Variants in KIRREL3 observed in about 807,000 individuals in gnomAD.
KIRREL3 encodes the protein kirre like nephrin family adhesion molecule 3.
KIRREL3 carries 36 observed loss-of-function variants against 89.7 expected under a neutral mutation model. The observed-to-expected ratio is 0.40, with a 90% confidence interval of 0.31 to 0.53. KIRREL3 has a LOEUF of 0.53. KIRREL3 is among the 20% of genes least tolerant of loss of function. The probability of loss-of-function intolerance (pLI) is 0.49; values close to 1 mark genes in which losing one functional copy is unlikely to be tolerated. For synonymous variants in KIRREL3, 445 were observed against 441.4 expected (o/e 1.01, Z -0.10); for missense variants, 864 against 1,056.6 (o/e 0.82, Z 2.53).
intron 1 of KIRREL3, among the ~76,000 whole-genome samples, chr11:126,663,126 T>A (rs1245436955): frequency 1.4e-5 from 2 of 147,418 alleles, no homozygotes; most frequent in Non-Finnish European, 3.0e-5. Context: ...GCATGGGGAG[T>A]GTGGAGTGTG....
At position 126,656,259 on chromosome 11, in the gene KIRREL3, C is replaced by T. The variant is rs1945134318; in HGVS notation, c.56-93347G>A. The T allele has an allele frequency of 4.7e-6, 2 of 423,502 alleles. No individual in the cohort carries two copies. Among genetic ancestry groups the T allele is most frequent in the Non-Finnish European group, 9.6e-6 (2 of 207,718 alleles). 26.2% of individuals were successfully genotyped at this position (423,502 alleles called of 1,614,324 possible). On this transcript the variant is annotated intron_variant, in intron 1 of 16. Coordinates refer to ENST00000525144, the MANE Select transcript of KIRREL3 (RefSeq NM_032531.4). The surrounding 1 kb of genome is among the most constrained non-coding windows in gnomAD (Gnocchi z 4.0). The stretch of plus-strand genomic sequence containing the variant: ...TCTGCCGTTCATATCTGTGAGATAT[C>T]AGGCTGGTTTCTTAACCATAACCTC...
rs566734767 is a variant in KIRREL3, at chr11:126,696,483, G to T, written c.56-133571C>A. 1.1e-3 allele frequency among the ~76,000 whole-genome samples: 173 copies of T among 152,202 alleles called. 3 individuals carry two copies. In the South Asian group the frequency reaches 0.026, roughly 23 times the overall value. The stretch of plus-strand genomic sequence containing the variant: ...CACATGCAGCCTGCAAACTCCCACA[G>T]CTGTACGCAGGCATGTGGCCTCTTG... On this transcript the variant is annotated intron_variant, in intron 1 of 16. Transcript: ENST00000525144. The surrounding 1 kb of genome is among the most constrained non-coding windows in gnomAD (Gnocchi z 4.4).
intron 4 of KIRREL3, among the ~76,000 whole-genome samples, chr11:126,517,148 G>A (rs761617131): frequency 2.0e-5 from 2 of 98,090 alleles, no homozygotes; most frequent in African/African-American, 4.0e-5. Context: ...GAGAGAGAGA[G>A]AGAGAGAGAG....
rs776713276 is a variant in KIRREL3, at chr11:126,766,695, C to T, written c.56-203783G>A. On this transcript the variant is annotated intron_variant, in intron 1 of 16. Transcript: ENST00000525144. The surrounding 1 kb of genome is among the most constrained non-coding windows in gnomAD (Gnocchi z 4.2). ...GGGGCTTTGATAATCTCAATAGGCACTTACAGAATTGACTTTTCTGCCTTG... is the reference window on the plus strand; with the variant it reads ...GGGGCTTTGATAATCTCAATAGGCATTTACAGAATTGACTTTTCTGCCTTG... 1.3e-5 allele frequency among the ~76,000 whole-genome samples: 2 copies of T among 152,138 alleles called. No homozygotes were observed. Among genetic ancestry groups the T allele is most frequent in the Non-Finnish European group, 2.9e-5 (2 of 68,024 alleles).
chr11:126,930,582 T>C (rs1225994534), intron 1 of KIRREL3, among the ~76,000 whole-genome samples: 6 of 152,190 alleles, frequency 3.9e-5, no homozygotes, highest in African/African-American at 4.8e-5. Flanking sequence ...TGCCCTTCCC[T>C]GCCATGTCTG....
intron 4 of KIRREL3, among the ~76,000 whole-genome samples, chr11:126,488,116 G>A (rs1182090466): frequency 6.6e-6 from 1 of 152,252 alleles, no homozygotes; most frequent in Admixed American, 6.5e-5. Context: ...TACTGGGTAA[G>A]GAGGGGACTG....
chr11:126,778,354 T>C lies in KIRREL3; in HGVS notation c.56-215442A>G, dbSNP rs563547007. ...TTTGCGTAGCAATCACCCATTTTTATGGAGACTGCATCTTTGAAGAGGGGC... is the reference window on the plus strand; with the variant it reads ...TTTGCGTAGCAATCACCCATTTTTACGGAGACTGCATCTTTGAAGAGGGGC... On this transcript the variant is annotated intron_variant, in intron 1 of 16. Transcript: ENST00000525144. This position sits in a 1 kb window ranked among gnomAD's most constrained non-coding sequence, Gnocchi z 4.5. Among the ~76,000 whole-genome samples, 5 of 152,344 alleles carry C rather than the reference T, an allele frequency of 3.3e-5. No homozygotes were observed. The South Asian group carries it at 1.0e-3, about 32-fold the overall frequency.
At chr11:126,921,782 T>C (rs1443095760) in intron 1 of KIRREL3, among the ~76,000 whole-genome samples, 1 of 150,968 alleles carries the variant, frequency 6.6e-6, no homozygotes, top group Non-Finnish European at 1.5e-5. Flanking sequence ...TCTATCTATC[T>C]ATCTATCTAT....
chr11:126,658,463 G>T (rs1945254319), intron 1 of KIRREL3, among the ~76,000 whole-genome samples: 1 of 152,174 alleles, frequency 6.6e-6, no homozygotes, highest in Non-Finnish European at 1.5e-5. Flanking sequence ...ATCCATTGGT[G>T]TCTCAGTAAT....
chr11:126,974,419 C>T (rs1257784265), intron 1 of KIRREL3, among the ~76,000 whole-genome samples: 2 of 151,842 alleles, frequency 1.3e-5, no homozygotes, highest in African/African-American at 4.8e-5. Flanking sequence ...TAGCCTATTA[C>T]ACACCTAGGC....
intron 1 of KIRREL3, among the ~76,000 whole-genome samples, chr11:126,777,672 C>G (rs1950207546): frequency 6.6e-6 from 1 of 152,196 alleles, no homozygotes; most frequent in Admixed American, 6.5e-5. Context: ...AAATCAGACC[C>G]CTTTGTGAAC....
At chr11:126,577,462 G>A (rs1023313175) in intron 1 of KIRREL3, among the ~76,000 whole-genome samples, 7 of 151,836 alleles carry the variant, frequency 4.6e-5, no homozygotes, top group Admixed American at 3.9e-4. Context: ...GAAACTAACC[G>A]CTGGCCTGGT....
chr11:126,925,727 A>T (rs797012043), intron 1 of KIRREL3, among the ~76,000 whole-genome samples: 6 of 151,762 alleles, frequency 4.0e-5, no homozygotes, highest in African/African-American at 1.2e-4. Context: ...GCCTACTCCC[A>T]CCCTCCCTGC....
intron 1 of KIRREL3, among the ~76,000 whole-genome samples, chr11:126,661,346 C>A (rs558039439): frequency 2.0e-5 from 3 of 152,260 alleles, no homozygotes; most frequent in African/African-American, 7.2e-5. Context: ...CTGCATTTTG[C>A]AAGAAGAATG....
At position 126,911,090 on chromosome 11, in the gene KIRREL3, G is replaced by A. The variant is rs1946797779; in HGVS notation, c.55+89365C>T. Among the ~76,000 whole-genome samples, 3 of 152,208 alleles carry A rather than the reference G, an allele frequency of 2.0e-5. No individual in the cohort carries two copies. The South Asian group carries it at 6.2e-4, about 31-fold the overall frequency. On this transcript the variant is annotated intron_variant, in intron 1 of 16. Coordinates refer to ENST00000525144, the MANE Select transcript of KIRREL3 (RefSeq NM_032531.4). ...GAAAGGGTTGGCACAGAAGAGAGCA[G>A]GAGGGAAGCAAGAAGCAGCCCCAAG...
rs1332102223 is a variant in KIRREL3 at position 126,636,621 on chromosome 11, C to T, written c.56-73709G>A. 2.0e-5 allele frequency among the ~76,000 whole-genome samples: 3 copies of T among 152,220 alleles called. No homozygotes were observed. The highest frequency in any genetic ancestry group is 2.9e-5 in the Non-Finnish European group (2 of 68,036). ...GTCTCCTGTCTTTTCTTCTGCCCTC[C>T]TGGACCCAGCTTACTGCCTGCTCTG... On this transcript the variant is annotated intron_variant, in intron 1 of 16. Transcript: ENST00000525144. This position sits in a 1 kb window ranked among gnomAD's most constrained non-coding sequence, Gnocchi z 4.4.
rs1475713603 is a variant in KIRREL3, at chr11:126,639,370, A to G, written c.56-76458T>C. ...TCTTTTTGTACCTCTGGGTAAGCAAAAGGAAAAACGTTCCTTTGCTTTACC... is the reference window on the plus strand; with the variant it reads ...TCTTTTTGTACCTCTGGGTAAGCAAGAGGAAAAACGTTCCTTTGCTTTACC... On this transcript the variant is annotated intron_variant, in intron 1 of 16. Transcript: ENST00000525144. This position sits in a 1 kb window ranked among gnomAD's most constrained non-coding sequence, Gnocchi z 4.3. Among the ~76,000 whole-genome samples the G allele has an allele frequency of 6.6e-6, 1 of 152,166 alleles. No individual in the cohort carries two copies. The highest frequency in any genetic ancestry group is 1.5e-5 in the Non-Finnish European group (1 of 68,022).
chr11:126,711,274 T>C (rs1271906793), intron 1 of KIRREL3, among the ~76,000 whole-genome samples: 6 of 152,204 alleles, frequency 3.9e-5, no homozygotes, highest in African/African-American at 4.8e-5. Context: ...TTAAAGAGAA[T>C]TCTGGATATA....
chr11:126,853,030 C>A (rs938844060), intron 1 of KIRREL3, among the ~76,000 whole-genome samples: 3 of 152,160 alleles, frequency 2.0e-5, no homozygotes, highest in African/African-American at 7.2e-5. Context: ...GCAGGAACTT[C>A]ATGTAACTTA....
Sources: gnomAD v4.1 joint callset for allele counts (sites outside exome capture counted in the v4.1 genomes callset) on GRCh38, gnomAD v4.1.1 for gene constraint, Gnocchi (gnomAD v3.1) non-coding constraint, MANE v1.5 for transcripts, NCBI Gene and HGNC (gene_info 2026-07-23, HGNC 2026-07-21) for gene names.